The following GTF2H1 variants were observed in gnomAD, a reference collection of about 807,000 sequenced individuals.
The protein encoded by GTF2H1 is BTF2 p62.
A neutral mutation model predicts 71.2 loss-of-function variants in GTF2H1; 16 were observed. The ratio of observed to expected loss-of-function variants is 0.22; its 90% CI spans 0.15 to 0.34. The LOEUF is 0.34. GTF2H1 is among the 10% of genes least tolerant of loss of function. The probability of loss-of-function intolerance (pLI) is 1.00; values close to 1 mark genes in which losing one functional copy is unlikely to be tolerated. For missense variants in GTF2H1, 498 were observed against 648.2 expected (o/e 0.77, Z 2.52); for synonymous variants, 215 against 219.0 (o/e 0.98, Z 0.16).
intron 1 of GTF2H1, 152 bp from the exon 2 acceptor site, chr11:18,332,908 T>G: frequency 1.9e-6 from 1 of 527,050 alleles, no homozygotes; most frequent in East Asian, 3.1e-5. Flanking sequence ...CAACTTTATC[T>G]TCAACTTTGA....
At chr11:18,359,965 T>C (rs1865657924) in intron 13 of GTF2H1, among the ~76,000 whole-genome samples, 1 of 151,352 alleles carries the variant, frequency 6.6e-6, no homozygotes, top group African/African-American at 2.4e-5. Flanking sequence ...CTACAAAAAT[T>C]ATGAAAAGTA....
chr11:18,328,670 C>G (rs1864826175), intron 1 of GTF2H1, among the ~76,000 whole-genome samples: 1 of 151,274 alleles, frequency 6.6e-6, no homozygotes, highest in South Asian at 2.1e-4. Flanking sequence ...ACTAAAAATA[C>G]AAAAAATTAG....
At chr11:18,363,169 C>T (rs776272658) in intron 14 of GTF2H1, among the ~76,000 whole-genome samples, 1 of 152,106 alleles carries the variant, frequency 6.6e-6, no homozygotes, top group Non-Finnish European at 1.5e-5. Flanking sequence ...ATACCTTCTT[C>T]TGGAATACCT....
intron 1 of GTF2H1, among the ~76,000 whole-genome samples, chr11:18,323,043 G>T (rs956437467): frequency 6.6e-6 from 1 of 152,158 alleles, no homozygotes; most frequent in Non-Finnish European, 1.5e-5. Context: ...AGCCCTTCCC[G>T]TCAGGAAATG....
chr11:18,354,502 G>T (rs997074713), intron 11 of GTF2H1, among the ~76,000 whole-genome samples: 2 of 152,174 alleles, frequency 1.3e-5, no homozygotes, highest in African/African-American at 4.8e-5. Flanking sequence ...CACAGTCATA[G>T]CTCCGTTCAA....
chr11:18,358,002 A>G lies in GTF2H1; in HGVS notation c.1311A>G (p.Gly437=), dbSNP rs868080073. The G allele has an allele frequency of 8.1e-6, 13 of 1,613,068 alleles. No individual in the cohort carries two copies. Among genetic ancestry groups the G allele is most frequent in the African/African-American group, 5.3e-5 (4 of 74,876 alleles). ...ASSTITALSP[G]GALMQGGTQQ... Reference sequence around the variant, plus strand: ...GTACCATCACAGCACTGTCACCTGGAGGGGCACTTATGCAGGGAGGAACAC... The same window carrying G: ...GTACCATCACAGCACTGTCACCTGGGGGGGCACTTATGCAGGGAGGAACAC... Residue 437 remains glycine (G), a synonymous_variant, in exon 12 of 15, where the codon GGA becomes GGG. Coordinates refer to ENST00000265963, the MANE Select transcript of GTF2H1 (RefSeq NM_005316.4).
At chr11:18,344,435 A>G (rs2133971427) in intron 7 of GTF2H1, among the ~76,000 whole-genome samples, 1 of 152,102 alleles carries the variant, frequency 6.6e-6, no homozygotes, top group South Asian at 2.1e-4. Flanking sequence ...CCTGGCCAAC[A>G]TGGTGAAACC....
chr11:18,336,596 C>T (rs1293482595), intron 3 of GTF2H1, among the ~76,000 whole-genome samples: 1 of 152,122 alleles, frequency 6.6e-6, no homozygotes, highest in Admixed American at 6.6e-5. Flanking sequence ...TTAACATCTG[C>T]TTAGGAGCAG....
At chr11:18,324,232 G>C (rs187282437) in intron 1 of GTF2H1, 15 of 152,358 alleles carry the variant, frequency 9.8e-5, no homozygotes, top group African/African-American at 3.6e-4. Context: ...TGTATTTTTG[G>C]TAGAGACGGG....
At chr11:18,351,753 C>G (rs756547849) in intron 9 of GTF2H1, 128 bp from the exon 10 acceptor site, 1 of 568,864 alleles carries the variant, frequency 1.8e-6, no homozygotes, top group Non-Finnish European at 3.2e-6. Flanking sequence ...ACAGTCATCT[C>G]TAGGAAGAGA....
At chr11:18,358,734 C>CA (rs1865627024) in intron 13 of GTF2H1, 94 bp downstream of exon 13, 1 of 748,230 alleles carries the variant, frequency 1.3e-6, no homozygotes, top group African/African-American at 1.7e-5. Flanking sequence ...TACCATGTGA[C>CA]AGACACTGGG....
chr11:18,358,306 G>C (rs1032299282), intron 12 of GTF2H1, among the ~76,000 whole-genome samples: 2 of 152,184 alleles, frequency 1.3e-5, no homozygotes, highest in African/African-American at 4.8e-5. Flanking sequence ...CTACCTCTTA[G>C]AATAAAGGGG....
At position 18,341,429 on chromosome 11, in the gene GTF2H1, T is replaced by C. The variant is rs1303759566; in HGVS notation, c.757+19T>C. ...GAAAAAGGTAACTGTTTATCTCTGATAGACACTGGTATTTAACTTGCCACC... is the reference window on the plus strand; with the variant it reads ...GAAAAAGGTAACTGTTTATCTCTGACAGACACTGGTATTTAACTTGCCACC... On this transcript the variant is annotated intron_variant, in intron 6 of 14. Coordinates refer to ENST00000265963, the MANE Select transcript of GTF2H1 (RefSeq NM_005316.4). 1.2e-6 allele frequency: 2 copies of C among 1,612,986 alleles called. No individual in the cohort carries two copies. Among genetic ancestry groups the C allele is most frequent in the Non-Finnish European group, 8.5e-7 (1 of 1,179,524 alleles).
chr11:18,354,483 G>A (rs1041203135), intron 11 of GTF2H1, among the ~76,000 whole-genome samples: 1 of 152,102 alleles, frequency 6.6e-6, no homozygotes, highest in Non-Finnish European at 1.5e-5. Flanking sequence ...CCAGGCTGTA[G>A]TGCAGTGGCA....
chr11:18,363,898 C>G (rs1159570549), intron 14 of GTF2H1, among the ~76,000 whole-genome samples: 1 of 152,002 alleles, frequency 6.6e-6, no homozygotes, highest in Non-Finnish European at 1.5e-5. Flanking sequence ...CACAGTGAAA[C>G]CCCATCTCTA....
chr11:18,331,148 A>AGCGATTCTC (rs530499169), intron 1 of GTF2H1, among the ~76,000 whole-genome samples: 1 of 152,240 alleles, frequency 6.6e-6, no homozygotes, highest in South Asian at 2.1e-4. Context: ...CCTGGGCTCA[A>AGCGATTCTC]GCGATTCTCC....
chr11:18,331,514 A>G (rs958865546), intron 1 of GTF2H1, among the ~76,000 whole-genome samples: 1 of 152,104 alleles, frequency 6.6e-6, no homozygotes, highest in Non-Finnish European at 1.5e-5. Flanking sequence ...CAAAAATACA[A>G]AAATAGCCAG....
At chr11:18,330,452 A>G (rs772017832) in intron 1 of GTF2H1, among the ~76,000 whole-genome samples, 6 of 152,248 alleles carry the variant, frequency 3.9e-5, no homozygotes, top group Non-Finnish European at 8.8e-5. Context: ...GGGATTTTAT[A>G]GGATTGTACT....
At chr11:18,335,242 T>G (rs375489796) in intron 2 of GTF2H1, among the ~76,000 whole-genome samples, 2 of 152,352 alleles carry the variant, frequency 1.3e-5, no homozygotes, top group East Asian at 3.9e-4. Context: ...AGTGTCAGGT[T>G]GTCTCACTTT....
Sources: gnomAD v4.1 joint callset for allele counts (sites outside exome capture counted in the v4.1 genomes callset) on GRCh38, gnomAD v4.1.1 for gene constraint, MANE v1.5 for transcripts, NCBI Gene and HGNC (gene_info 2026-07-23, HGNC 2026-07-21) for gene names.